The following CTNND2 variants were observed in gnomAD, a reference collection of about 807,000 sequenced individuals.
CTNND2 encodes catenin delta-2.
Under a neutral mutation model 144.4 loss-of-function variants are expected in CTNND2, and 22 were observed. That is an observed-to-expected ratio of 0.15 (90% CI 0.11 to 0.22). The LOEUF (loss-of-function observed/expected upper bound fraction) is 0.22, where lower values mean the gene tolerates loss of function less well. Ranked by LOEUF, CTNND2 falls within the 10% of genes least tolerant of loss-of-function variation. The probability of loss-of-function intolerance (pLI) is 1.00; values close to 1 mark genes in which losing one functional copy is unlikely to be tolerated. For synonymous variants in CTNND2, 751 were observed against 695.6 expected, an observed-to-expected ratio of 1.08 and a Z score of -1.25; for missense variants, 1,353 against 1,618.8, an observed-to-expected ratio of 0.84 and a Z score of 2.82.
At chr5:11,177,656 C>T (rs1760611225) in intron 11 of CTNND2, among the ~76,000 whole-genome samples, 1 of 152,034 alleles carries the variant, frequency 6.6e-6, no homozygotes, top group Admixed American at 6.5e-5. Context: ...GTCTTGTTCA[C>T]AGATAATTAG....
chr5:10,975,340 C>T (rs1316696771), intron 21 of CTNND2, among the ~76,000 whole-genome samples: 1 of 152,026 alleles, frequency 6.6e-6, no homozygotes, highest in Non-Finnish European at 1.5e-5. Flanking sequence ...GCAGGGCACC[C>T]TATTCAACAT....
intron 20 of CTNND2, among the ~76,000 whole-genome samples, chr5:10,984,156 T>C (rs1230675638): frequency 6.6e-6 from 1 of 152,168 alleles, no homozygotes; most frequent in Non-Finnish European, 1.5e-5. Context: ...CTGTTTACCT[T>C]ATGTACTGTC....
intron 1 of CTNND2, among the ~76,000 whole-genome samples, chr5:11,873,347 T>C (rs965242936): frequency 6.6e-6 from 1 of 152,178 alleles, no homozygotes; most frequent in African/African-American, 2.4e-5. Context: ...TCCCAAAACA[T>C]AGCTGCATTT....
At chr5:11,236,590 C>T in intron 10 of CTNND2, 101 bp downstream of exon 10, 3 of 1,279,030 alleles carry the variant, frequency 2.3e-6, no homozygotes, top group Non-Finnish European at 3.3e-6. Flanking sequence ...ATTTTAAAAG[C>T]ATAACTTCAG....
chr5:11,051,799 G>GGCAA lies in CTNND2; in HGVS notation c.2789-28824_2789-28821dup, dbSNP rs569179362. Among the ~76,000 whole-genome samples the GGCAA allele has an allele frequency of 1.9e-4, 29 of 152,250 alleles. No homozygotes were observed. In the South Asian group the frequency reaches 2.9e-3, roughly 15 times the overall value. On this transcript the variant is annotated intron_variant, in intron 16 of 21. Transcript: ENST00000304623. ...TTGTTGGCCTTGGACTTAATCAAAAGGCAAGTAAGAGTGGCATGATCAGAT... is the reference window on the plus strand; with the variant it reads ...TTGTTGGCCTTGGACTTAATCAAAAGGCAAGCAAGTAAGAGTGGCATGATCAGAT...
intron 10 of CTNND2, among the ~76,000 whole-genome samples, chr5:11,235,493 G>A (rs1010242531): frequency 6.6e-6 from 1 of 152,068 alleles, no homozygotes; most frequent in African/African-American, 2.4e-5. Flanking sequence ...TTCTTAGATG[G>A]ACAATATTTC....
intron 2 of CTNND2, among the ~76,000 whole-genome samples, chr5:11,633,005 A>G (rs1041698328): frequency 6.6e-6 from 1 of 152,176 alleles, no homozygotes; most frequent in African/African-American, 2.4e-5. Context: ...AGTGCAGGAC[A>G]CTATTTGGCA....
chr5:11,721,875 T>G (rs1013346404), intron 2 of CTNND2, among the ~76,000 whole-genome samples: 2 of 152,178 alleles, frequency 1.3e-5, no homozygotes, highest in African/African-American at 4.8e-5. Flanking sequence ...CTAACTGGAA[T>G]GAAGAAGAGG....
At chr5:11,088,765 A>T (rs34857488) in intron 15 of CTNND2, among the ~76,000 whole-genome samples, 51,913 of 151,846 alleles carry the variant, frequency 0.34, 8,925 homozygotes, top group Non-Finnish European at 0.37. Flanking sequence ...GTGCAATTAT[A>T]TTTTACTAAG....
chr5:11,182,782 T>A (rs575257324), intron 11 of CTNND2, among the ~76,000 whole-genome samples: 4 of 152,336 alleles, frequency 2.6e-5, no homozygotes, highest in Admixed American at 2.6e-4. Flanking sequence ...AATGATTTTT[T>A]AAAAGGTAAT....
intron 3 of CTNND2, among the ~76,000 whole-genome samples, chr5:11,417,101 A>C (rs1230498363): frequency 6.6e-6 from 1 of 152,224 alleles, no homozygotes; most frequent in South Asian, 2.1e-4. Flanking sequence ...AGCAGACAAT[A>C]GTCTAACTGA....
chr5:11,804,069 G>T (rs1476794298), intron 1 of CTNND2, among the ~76,000 whole-genome samples: 2 of 152,136 alleles, frequency 1.3e-5, no homozygotes, highest in African/African-American at 4.8e-5. Flanking sequence ...GACTCTGACA[G>T]GGACTTCTAG....
rs1167720986 is a variant in CTNND2, at chr5:10,988,825, G to T, written c.3212-583C>A. Reference sequence around the variant, plus strand: ...CCCACAAAGACCTTCTTTGTCTGTGGCTGGGGTGGGCTGGGGAGGGGCATG... The same window carrying T: ...CCCACAAAGACCTTCTTTGTCTGTGTCTGGGGTGGGCTGGGGAGGGGCATG... On this transcript the variant is annotated intron_variant, in intron 19 of 21. Transcript: ENST00000304623. The surrounding 1 kb of genome is among the most constrained non-coding windows in gnomAD (Gnocchi z 5.9). Among the ~76,000 whole-genome samples, 1 of 152,140 alleles carries T rather than the reference G, an allele frequency of 6.6e-6. No individual in the cohort carries two copies. The highest frequency in any genetic ancestry group is 1.9e-4 in the East Asian group (1 of 5,182).
intron 5 of CTNND2, among the ~76,000 whole-genome samples, chr5:11,403,563 T>C (rs1362625354): frequency 6.6e-6 from 1 of 152,222 alleles, no homozygotes; most frequent in Non-Finnish European, 1.5e-5. Context: ...CAGAGAAGTG[T>C]ACTTTTCATC....
At chr5:11,167,909 T>C (rs1759506147) in intron 11 of CTNND2, among the ~76,000 whole-genome samples, 1 of 151,406 alleles carries the variant, frequency 6.6e-6, no homozygotes, top group South Asian at 2.1e-4. Context: ...TCTTACTATG[T>C]TGTTCAGCCA....
rs753103504 is a variant in CTNND2 at position 11,384,807 on chromosome 5, G to A, written c.1035C>T (p.Pro345=). Residue 345 remains proline, a synonymous_variant, in exon 7 of 22, where the codon CCC becomes CCT. Coordinates refer to ENST00000304623, the MANE Select transcript of CTNND2 (RefSeq NM_001332.4). This position sits in a 1 kb window ranked among gnomAD's most constrained non-coding sequence, Gnocchi z 5.2. ...PTVQSTISSS[P]IHQLSSTIGT... ...CGATGGTGGAGCTCAGCTGGTGGAT[G>A]GGCGAGGAGGAGATGGTGGACTGCA... 1.2e-6 allele frequency: 2 copies of A among 1,613,200 alleles called. No homozygotes were observed. The highest frequency in any genetic ancestry group is 1.7e-5 in the Admixed American group (1 of 59,930).
chr5:11,537,018 C>T (rs990963706), intron 3 of CTNND2, among the ~76,000 whole-genome samples: 9 of 151,598 alleles, frequency 5.9e-5, no homozygotes, highest in Admixed American at 1.3e-4. Context: ...GTGTCCCATC[C>T]GAGACCAAGT....
intron 11 of CTNND2, among the ~76,000 whole-genome samples, chr5:11,177,140 A>G (rs1007829878): frequency 3.9e-5 from 6 of 152,220 alleles, no homozygotes; most frequent in Non-Finnish European, 7.3e-5. Flanking sequence ...GCAAAGATGC[A>G]TGAGTATTAC....
intron 9 of CTNND2, among the ~76,000 whole-genome samples, chr5:11,264,763 G>T (rs1745270654): frequency 1.3e-5 from 2 of 152,012 alleles, no homozygotes; most frequent in Non-Finnish European, 2.9e-5. Context: ...AACCCTGTCT[G>T]TACTAAAAAT....
Sources: allele counts gnomAD v4.1 joint callset (sites outside exome capture counted in the v4.1 genomes callset), GRCh38; gene constraint gnomAD v4.1.1; non-coding constraint Gnocchi (gnomAD v3.1); transcripts MANE v1.5; gene names NCBI Gene and HGNC (gene_info 2026-07-23, HGNC 2026-07-21).